The following OPCML variants were observed in gnomAD, a reference collection of about 807,000 sequenced individuals.
OPCML encodes the protein opioid-binding protein/cell adhesion molecule.
Under a neutral mutation model 37.8 loss-of-function variants are expected in OPCML, and 13 were observed. The ratio of observed to expected loss-of-function variants is 0.34; its 90% CI spans 0.22 to 0.55. The LOEUF (loss-of-function observed/expected upper bound fraction) is 0.55, where lower values mean the gene tolerates loss of function less well. OPCML is among the 20% of genes least tolerant of loss of function. The pLI, the probability that OPCML is intolerant of heterozygous loss-of-function variation, is 0.91. For synonymous variants in OPCML, 176 were observed against 168.8 expected, an observed-to-expected ratio of 1.04 and a Z score of -0.33; for missense variants, 341 against 435.6, an observed-to-expected ratio of 0.78 and a Z score of 1.93.
At chr11:133,009,220 A>G (rs1947169450) in intron 1 of OPCML, 1 of 985,286 alleles carries the variant, frequency 1.0e-6, no homozygotes, top group Non-Finnish European at 1.2e-6. Flanking sequence ...CCCTGATCTC[A>G]GGGAACTTCA....
intron 1 of OPCML, among the ~76,000 whole-genome samples, chr11:133,321,117 C>A (rs999229692): frequency 2.6e-5 from 4 of 151,712 alleles, no homozygotes; most frequent in Non-Finnish European, 5.9e-5. Flanking sequence ...GGTGGGGGGA[C>A]AATAAAACAT....
chr11:133,032,246 G>C (rs936006823), intron 1 of OPCML, among the ~76,000 whole-genome samples: 2 of 152,100 alleles, frequency 1.3e-5, no homozygotes, highest in African/African-American at 2.4e-5. Flanking sequence ...ATTTAAAGTT[G>C]AGCAAATGAC....
intron 1 of OPCML, chr11:133,005,948 T>C: frequency 6.1e-6 from 6 of 985,426 alleles, no homozygotes; most frequent in Non-Finnish European, 6.0e-6. Flanking sequence ...CATGGATGTG[T>C]GCAGCTTCCA....
At chr11:133,458,795 G>A (rs541692431) in intron 1 of OPCML, among the ~76,000 whole-genome samples, 2 of 143,352 alleles carry the variant, frequency 1.4e-5, no homozygotes, top group Middle Eastern at 4.0e-3. Context: ...ATAGATGCAC[G>A]TGTGTGTGTA....
chr11:133,453,600 C>T (rs916759613), intron 1 of OPCML, among the ~76,000 whole-genome samples: 3 of 152,118 alleles, frequency 2.0e-5, no homozygotes, highest in African/African-American at 7.2e-5. Flanking sequence ...AGCTGTCAGC[C>T]CTGGCTACCC....
At chr11:132,439,785 T>C (rs979121954) in intron 4 of OPCML, among the ~76,000 whole-genome samples, 4 of 151,856 alleles carry the variant, frequency 2.6e-5, no homozygotes, top group Admixed American at 6.6e-5. Context: ...TTTTTCAAAA[T>C]GTACCACAGA....
Position 132,420,220 on chromosome 11 carries a change from G to T in OPCML, c.990C>A (p.Leu330=). Residue 330 remains leucine (L), a synonymous_variant, in exon 8 of 8, where the codon CTC becomes CTA. Transcript: ENST00000524381. The part of the protein sequence containing the change: ...ALACLWLSGT[L]LAHFFIKF Reference sequence around the variant, plus strand: ...AAAACTTGATGAAGAAGTGGGCTAAGAGGGTCCCTGATAGCCAGAGACAAG... The same window carrying T: ...AAAACTTGATGAAGAAGTGGGCTAATAGGGTCCCTGATAGCCAGAGACAAG... 1 of 1,613,968 alleles carries T rather than the reference G, an allele frequency of 6.2e-7. No homozygotes were observed. The highest frequency in any genetic ancestry group is 8.5e-7 in the Non-Finnish European group (1 of 1,179,874).
chr11:132,498,769 G>A (rs1476546637), intron 4 of OPCML, among the ~76,000 whole-genome samples: 3 of 127,300 alleles, frequency 2.4e-5, no homozygotes, highest in Admixed American at 8.4e-5. Flanking sequence ...TATAGGACCC[G>A]AAGAACCCAA....
At chr11:133,234,879 T>A (rs997116311) in intron 1 of OPCML, among the ~76,000 whole-genome samples, 5 of 152,156 alleles carry the variant, frequency 3.3e-5, no homozygotes, top group Non-Finnish European at 1.5e-5. Context: ...GGAGTAATGA[T>A]CAAAGTCCAG....
At chr11:132,910,286 C>T (rs1462481003) in intron 2 of OPCML, among the ~76,000 whole-genome samples, 2 of 152,218 alleles carry the variant, frequency 1.3e-5, no homozygotes, top group Non-Finnish European at 2.9e-5. Flanking sequence ...TATTCGCCGG[C>T]CATTATGCCC....
intron 1 of OPCML, among the ~76,000 whole-genome samples, chr11:133,348,920 C>A (rs1208605202): frequency 6.6e-6 from 1 of 152,138 alleles, no homozygotes; most frequent in Admixed American, 6.5e-5. Flanking sequence ...GGACCCTCAC[C>A]ACAGCTGAGA....
chr11:133,470,631 A>G (rs907081293), intron 1 of OPCML, among the ~76,000 whole-genome samples: 8 of 152,226 alleles, frequency 5.3e-5, no homozygotes, highest in Admixed American at 5.2e-4. Context: ...TGATTCTGCC[A>G]GTCATCCTGA....
chr11:132,675,981 C>T (rs1201879555), intron 2 of OPCML, among the ~76,000 whole-genome samples: 1 of 152,140 alleles, frequency 6.6e-6, no homozygotes, highest in Non-Finnish European at 1.5e-5. Context: ...TCAGAACAGC[C>T]ACACAATCTT....
At chr11:133,127,632 CAAAA>C (rs879535484) in intron 1 of OPCML, among the ~76,000 whole-genome samples, 1 of 107,602 alleles carries the variant, frequency 9.3e-6, no homozygotes, top group African/African-American at 3.6e-5. Context: ...GGCTCTGTCT[CAAAA>C]AAAAAAAAAA....
In OPCML at chr11:132,975,586, A is replaced by G. The variant is rs759836933; in HGVS notation, c.62-32576T>C. Among the ~76,000 whole-genome samples the G allele has an allele frequency of 1.5e-3, 197 of 128,432 alleles. 2 individuals carry two copies. The highest frequency in any genetic ancestry group is 2.5e-3 in the Non-Finnish European group (153 of 62,274). The allele number at this position is 128,432 out of a possible 152,430, so 84.3% of individuals were successfully genotyped here. On this transcript the variant is annotated intron_variant, in intron 1 of 7. Coordinates refer to ENST00000524381, the MANE Select transcript of OPCML (RefSeq NM_001012393.5). The stretch of plus-strand genomic sequence containing the variant: ...AAAAAAAAAAAAAAAAAAAAAAACA[A>G]GCACACTTTTCACATCCAACCTCTT...
intron 1 of OPCML, among the ~76,000 whole-genome samples, chr11:133,530,163 G>A (rs201875839): frequency 6.6e-6 from 1 of 152,168 alleles, no homozygotes; most frequent in Admixed American, 6.5e-5. Flanking sequence ...AGGGGTGCAG[G>A]TTCATCCTCC....
intron 2 of OPCML, among the ~76,000 whole-genome samples, chr11:132,906,500 T>C (rs1036843629): frequency 9.2e-5 from 14 of 152,112 alleles, no homozygotes; most frequent in Admixed American, 3.9e-4. Context: ...AATATTAATT[T>C]TAGATTGTGT....
intron 1 of OPCML, among the ~76,000 whole-genome samples, chr11:133,095,010 TC>T (rs1406619149): frequency 2.0e-5 from 3 of 152,000 alleles, no homozygotes; most frequent in Non-Finnish European, 4.4e-5. Context: ...TGGAAAGTTA[TC>T]CCATCATATA....
intron 3 of OPCML, among the ~76,000 whole-genome samples, chr11:132,578,529 C>A (rs1041602052): frequency 1.4e-4 from 22 of 152,196 alleles, no homozygotes; most frequent in Non-Finnish European, 3.1e-4. Flanking sequence ...AACTTGTACT[C>A]ATTTTAAGGT....
Sources: gnomAD v4.1 joint callset for allele counts (sites outside exome capture counted in the v4.1 genomes callset) on GRCh38, gnomAD v4.1.1 for gene constraint, MANE v1.5 for transcripts, NCBI Gene and HGNC (gene_info 2026-07-23, HGNC 2026-07-21) for gene names.